AR: variants seen among roughly 807,000 people sequenced by gnomAD.
AR encodes the protein dihydrotestosterone receptor.
Under a neutral mutation model 53.9 loss-of-function variants are expected in AR, and 8 were observed. That is an observed-to-expected ratio of 0.15 (90% CI 0.09 to 0.27). The LOEUF (loss-of-function observed/expected upper bound fraction) is 0.27, where lower values mean the gene tolerates loss of function less well. AR is among the 10% of genes least tolerant of loss of function. The pLI, the probability that AR is intolerant of heterozygous loss-of-function variation, is 1.00. For synonymous variants in AR, 359 were observed against 316.4 expected, an observed-to-expected ratio of 1.13 and a Z score of -1.43; for missense variants, 639 against 742.5, an observed-to-expected ratio of 0.86 and a Z score of 1.62.
intron 2 of AR, among the ~76,000 whole-genome samples, chrX:67,677,949 C>A (rs1383063057): frequency 9.0e-6 from 1 of 111,532 alleles, no homozygotes; most frequent in Non-Finnish European, 1.9e-5. Flanking sequence ...CATCTGTTAT[C>A]TCATGTGAGA....
intron 1 of AR, among the ~76,000 whole-genome samples, chrX:67,628,008 G>A (rs1251669836): frequency 1.8e-5 from 2 of 111,286 alleles, no homozygotes; most frequent in Non-Finnish European, 3.8e-5. Context: ...CTCTCTTTTG[G>A]TACCAGTACC....
chrX:67,725,598 C>T lies in AR; in HGVS notation c.*1757C>T. On this transcript the variant is annotated 3_prime_UTR_variant, in exon 8 of 8. Coordinates refer to ENST00000374690, the MANE Select transcript of AR (RefSeq NM_000044.6). ...GAGACTCTGACTACTGAATTAAAAT[C>T]TTCAGCGGCAAAGCCTAAAGCCAGA... 5.7e-6 allele frequency: 1 copy of T among 175,773 alleles called. No individual in the cohort carries two copies. The highest frequency in any genetic ancestry group is 1.1e-5 in the Non-Finnish European group (1 of 91,773). The allele number at this position is 175,773 out of a possible 1,213,427, so 14.5% of individuals were successfully genotyped here.
intron 3 of AR, among the ~76,000 whole-genome samples, chrX:67,687,944 A>T (rs1244150669): frequency 8.9e-6 from 1 of 112,554 alleles, no homozygotes; most frequent in Non-Finnish European, 1.9e-5. Context: ...ACTTTTGAAA[A>T]GGAGCCTGTG....
intron 2 of AR, among the ~76,000 whole-genome samples, chrX:67,656,268 C>T (rs752485460): frequency 9.0e-6 from 1 of 111,545 alleles, no homozygotes; most frequent in African/African-American, 3.3e-5. Flanking sequence ...GTGAACTAGC[C>T]GTGTCCTCAA....
chrX:67,684,674 A>G (rs1376957024), intron 2 of AR, among the ~76,000 whole-genome samples: 1 of 111,994 alleles, frequency 8.9e-6, no homozygotes, highest in Non-Finnish European at 1.9e-5. Flanking sequence ...AGGATCCTTT[A>G]CTACAATAAA....
chrX:67,600,015 A>G (rs186728191), intron 1 of AR, among the ~76,000 whole-genome samples: 1 of 111,640 alleles, frequency 9.0e-6, no homozygotes, highest in African/African-American at 3.2e-5. Flanking sequence ...GTTTCAAATG[A>G]GTATGTTAAT....
intron 1 of AR, among the ~76,000 whole-genome samples, chrX:67,629,671 T>G (rs1924949080): frequency 2.7e-5 from 3 of 109,412 alleles, no homozygotes; most frequent in Admixed American, 2.0e-4. Flanking sequence ...ATTTCTTGCC[T>G]TCTGCTAGCT....
At position 67,727,098 on chromosome X, in the gene AR, T is replaced by C. The variant is rs1175374524; in HGVS notation, c.*3257T>C. The C allele has an allele frequency of 3.5e-5, 6 of 172,046 alleles. No homozygotes were observed. The highest frequency in any genetic ancestry group is 6.7e-5 in the Non-Finnish European group (6 of 89,657). 14.2% of individuals were successfully genotyped at this position (172,046 alleles called of 1,213,427 possible). A position where few individuals can be genotyped will look rare whatever the true frequency, so the allele number is the denominator to read the frequency against. On this transcript the variant is annotated 3_prime_UTR_variant, in exon 8 of 8. Coordinates refer to ENST00000374690, the MANE Select transcript of AR (RefSeq NM_000044.6). Reference sequence around the variant, plus strand: ...GTGTGGCAGTTTCAGCTCTCGTTCATTGGGCAGCTCGCCTAGGCCCAGCCT... The same window carrying C: ...GTGTGGCAGTTTCAGCTCTCGTTCACTGGGCAGCTCGCCTAGGCCCAGCCT...
intron 1 of AR, among the ~76,000 whole-genome samples, chrX:67,630,640 T>C (rs1278087959): frequency 9.0e-6 from 1 of 111,162 alleles, no homozygotes; most frequent in East Asian, 2.8e-4. Context: ...TCCATTTACA[T>C]TTAAAGTTAA....
intron 1 of AR, among the ~76,000 whole-genome samples, chrX:67,560,639 G>T (rs948958433): frequency 8.9e-6 from 1 of 111,735 alleles, no homozygotes; most frequent in Non-Finnish European, 1.9e-5. Context: ...TTTATGATCT[G>T]CTTATTTTTC....
At chrX:67,627,780 TA>T (rs1924774632) in intron 1 of AR, among the ~76,000 whole-genome samples, 1 of 111,876 alleles carries the variant, frequency 8.9e-6, no homozygotes, top group Admixed American at 9.5e-5. Flanking sequence ...GTCTAACGTT[TA>T]AGTCTTTAAT....
intron 1 of AR, among the ~76,000 whole-genome samples, chrX:67,635,895 A>G (rs1398559636): frequency 9.0e-6 from 1 of 111,612 alleles, no homozygotes; most frequent in Non-Finnish European, 1.9e-5. Flanking sequence ...ACTTGTTCTC[A>G]AAGCAAACCT....
intron 1 of AR, among the ~76,000 whole-genome samples, chrX:67,633,341 T>C (rs1321733043): frequency 9.0e-6 from 1 of 111,694 alleles, no homozygotes; most frequent in Non-Finnish European, 1.9e-5. Context: ...TTTGTGTTCA[T>C]ATGTACTCAA....
intron 3 of AR, among the ~76,000 whole-genome samples, chrX:67,692,536 A>G (rs1373576942): frequency 8.9e-6 from 1 of 111,949 alleles, no homozygotes; most frequent in Non-Finnish European, 1.9e-5. Flanking sequence ...AGTACAATAG[A>G]CTCAGATACA....
chrX:67,667,427 A>T (rs1262034801), intron 2 of AR, among the ~76,000 whole-genome samples: 1 of 111,234 alleles, frequency 9.0e-6, no homozygotes, highest in Non-Finnish European at 1.9e-5. Context: ...GTCTGCTTTT[A>T]TGTGAATACC....
chrX:67,689,878 C>T (rs2075986342), intron 3 of AR: 1 of 269,475 alleles, frequency 3.7e-6, no homozygotes, highest in Admixed American at 8.7e-5. Flanking sequence ...TCCGCACTTT[C>T]CAAGGGTACA....
intron 2 of AR, among the ~76,000 whole-genome samples, chrX:67,680,103 A>G (rs1286971382): frequency 6.3e-5 from 7 of 111,575 alleles, no homozygotes; most frequent in Non-Finnish European, 1.3e-4. Flanking sequence ...ATTTAACTTT[A>G]TTTTCTTCTC....
At chrX:67,681,004 G>A (rs1049374361) in intron 2 of AR, 1 of 185,982 alleles carries the variant, frequency 5.4e-6, no homozygotes, top group African/African-American at 3.0e-5. Flanking sequence ...GACTATTTAG[G>A]TAGTCAAGGG....
At chrX:67,647,134 T>C in intron 2 of AR, among the ~76,000 whole-genome samples, 1 of 112,161 alleles carries the variant, frequency 8.9e-6, no homozygotes, top group East Asian at 2.8e-4. Flanking sequence ...AATTTACTAT[T>C]TTTCAGACAT....
Sources: gnomAD v4.1 joint callset for allele counts (sites outside exome capture counted in the v4.1 genomes callset) on GRCh38, gnomAD v4.1.1 for gene constraint, MANE v1.5 for transcripts, NCBI Gene and HGNC (gene_info 2026-07-23, HGNC 2026-07-21) for gene names.